MKS1: variants seen among roughly 807,000 people sequenced by gnomAD.
MKS1 encodes MKS transition zone complex subunit 1.
In MKS1, 70 loss-of-function variants were observed where a neutral mutation model predicts 83.7. That is an observed-to-expected ratio of 0.84 (90% confidence interval 0.69 to 1.02). MKS1 has a LOEUF of 1.02. Among genes scored for constraint, MKS1 ranks in the 50% least tolerant of loss-of-function variants. The pLI, the probability that MKS1 is intolerant of heterozygous loss-of-function variation, is 0.00. For missense variants in MKS1, 681 were observed against 726.9 expected (o/e 0.94, Z 0.73); for synonymous variants, 251 against 273.4 (o/e 0.92, Z 0.81).
At chr17:58,217,013 GGA>G (rs925973777) in intron 2 of MKS1, among the ~76,000 whole-genome samples, 1 of 152,138 alleles carries the variant, frequency 6.6e-6, no homozygotes, top group Non-Finnish European at 1.5e-5. Context: ...TGGGGGGGAT[GGA>G]GTCTCACTCT....
intron 14 of MKS1, among the ~76,000 whole-genome samples, 169 bp from the exon 15 acceptor site, chr17:58,207,387 A>C (rs1379654985): frequency 6.6e-6 from 1 of 152,176 alleles, no homozygotes; most frequent in Non-Finnish European, 1.5e-5. Context: ...TATGGAAATC[A>C]ATCAGGGAGA....
chr17:58,211,747 G>A (rs371389405), intron 9 of MKS1, among the ~76,000 whole-genome samples: 3 of 44,826 alleles, frequency 6.7e-5, no homozygotes, highest in African/African-American at 2.6e-4. Flanking sequence ...TTTTTTTTTT[G>A]TAGGGATGTG....
At chr17:58,211,211 T>A (rs1186271522) in intron 9 of MKS1, 189 bp from the exon 10 acceptor site, 1 of 617,146 alleles carries the variant, frequency 1.6e-6, no homozygotes, top group Non-Finnish European at 2.9e-6. Flanking sequence ...ATTCACAATG[T>A]AGGGGGAAAG....
chr17:58,215,689 T>A, intron 4 of MKS1: 1 of 252,878 alleles, frequency 4.0e-6, no homozygotes, highest in South Asian at 5.5e-5. Flanking sequence ...TATACTGAAT[T>A]CCTCTTCAAA....
rs759662552 is a variant in MKS1, at chr17:58,207,198, A to G, written c.1294T>C (p.Ser432Pro). Residue 432 changes from serine (S) to proline (P), a missense_variant, in exon 15 of 18, where the codon TCC becomes CCC. Physicochemically the swap from Ser to Pro is moderately conservative, Grantham distance 74. Around this residue, in one of 3 missense-constraint regions of MKS1, gnomAD observed 310 missense variants for 321.7 expected, o/e 0.96. Transcript: ENST00000393119. ...CCAAGCTCCACAGGTCTCCACGTGGAGACTGTCAGGGTGTGTGAGCCTGCG... is the reference window on the plus strand; with the variant it reads ...CCAAGCTCCACAGGTCTCCACGTGGGGACTGTCAGGGTGTGTGAGCCTGCG... The part of the protein sequence containing the change: ...ATPGSHTLTV[S>P]TWRPVELGTV... 15 of 1,614,016 alleles carry G rather than the reference A, an allele frequency of 9.3e-6. No homozygotes were observed. Among genetic ancestry groups the G allele is most frequent in the Non-Finnish European group, 9.3e-6 (11 of 1,180,036 alleles).
At chr17:58,208,234 G>A (rs757760794) in intron 12 of MKS1, 60 bp from the exon 13 acceptor site, 1 of 1,434,144 alleles carries the variant, frequency 7.0e-7, no homozygotes, top group African/African-American at 1.4e-5. Flanking sequence ...TCTCCTTGTG[G>A]CCAATGACAA....
In MKS1 at chr17:58,213,078, C is replaced by G; in HGVS notation, c.762G>C (p.Glu254Asp). The G allele has an allele frequency of 1.9e-6, 3 of 1,614,178 alleles. No homozygotes were observed. The highest frequency in any genetic ancestry group is 1.7e-6 in the Non-Finnish European group (2 of 1,180,036). Residue 254 changes from glutamate to aspartate, a missense_variant, in exon 8 of 18, where the codon GAG becomes GAC. Around this residue, in one of 3 missense-constraint regions of MKS1, gnomAD observed 365 missense variants for 383.8 expected, o/e 0.95. Coordinates refer to ENST00000393119, the MANE Select transcript of MKS1 (RefSeq NM_017777.4). ...GLKGPYRIET[E>D]GEKQELWKYT... ...ATTTCCACAGCTCCTGCTTCTCCCCCTCCGTCTCAATCCTGTAAGGTCAAA... is the reference window on the plus strand; with the variant it reads ...ATTTCCACAGCTCCTGCTTCTCCCCGTCCGTCTCAATCCTGTAAGGTCAAA...
intron 7 of MKS1, among the ~76,000 whole-genome samples, 196 bp downstream of exon 7, chr17:58,213,569 C>T (rs1484092604): frequency 2.6e-5 from 4 of 152,214 alleles, no homozygotes; most frequent in Admixed American, 2.6e-4. Flanking sequence ...CAAATTGGTG[C>T]AGTTGCACAT....
At position 58,207,521 on chromosome 17, in the gene MKS1, C is replaced by G. The variant is rs1968594532; in HGVS notation, c.1274-303G>C. 3 of 548,498 alleles carry G rather than the reference C, an allele frequency of 5.5e-6. No homozygotes were observed. In the South Asian group the frequency reaches 6.2e-5, roughly 11 times the overall value. The allele number at this position is 548,498 out of a possible 1,614,324, so 34.0% of individuals were successfully genotyped here. On this transcript the variant is annotated intron_variant, in intron 14 of 17. Transcript: ENST00000393119. ...ATACCACCTGCACCTCACAGAGTGA[C>G]TGGGAGAATTAAGTGAGAAGTATGG...
At chr17:58,211,834 G>C (rs937733874) in intron 9 of MKS1, among the ~76,000 whole-genome samples, 9 of 150,640 alleles carry the variant, frequency 6.0e-5, no homozygotes, top group Admixed American at 5.3e-4. Context: ...ACAAAGTGCT[G>C]GGATTATAGT....
intron 9 of MKS1, 120 bp from the exon 10 acceptor site, chr17:58,211,142 T>G: frequency 1.1e-6 from 1 of 910,118 alleles, no homozygotes; most frequent in Admixed American, 1.8e-5. Context: ...TGGGTGTCAC[T>G]ACTGCACTTT....
chr17:58,208,426 G>C (rs527377020), intron 12 of MKS1, 87 bp downstream of exon 12: 1 of 1,465,192 alleles, frequency 6.8e-7, no homozygotes, highest in African/African-American at 1.4e-5. Context: ...TCCCCAGGGC[G>C]CACAGCACTT....
At chr17:58,218,187 G>A (rs1012744121) in intron 2 of MKS1, among the ~76,000 whole-genome samples, 5 of 152,136 alleles carry the variant, frequency 3.3e-5, no homozygotes, top group Non-Finnish European at 5.9e-5. Flanking sequence ...GGTGGCTCAC[G>A]CCTGTAATCC....
In MKS1 at chr17:58,211,022, T is replaced by C. The variant is rs761528251; in HGVS notation, c.916A>G (p.Thr306Ala). 6.2e-7 allele frequency: 1 copy of C among 1,613,864 alleles called. No individual in the cohort carries two copies. The highest frequency in any genetic ancestry group is 1.7e-5 in the Admixed American group (1 of 60,022). The change falls in exon 10 of 18, where the codon ACT becomes GCT. Residue 306 changes from threonine (T) to alanine (A), a missense_variant and splice_region_variant. This residue lies in a region of MKS1 where 6 missense variants were observed against 21.4 expected (regional missense o/e 0.28). Transcript: ENST00000393119. ...AAGAGCCGGAGGGCACCTGGGACAG[T>C]CTAAGGTGAAGAGAAGTGGGAAAGG... ...SSLVGTDFEM[T>A]VPGALRLFVN...
chr17:58,208,811 G>A (rs1053189120), intron 11 of MKS1, among the ~76,000 whole-genome samples: 12 of 151,978 alleles, frequency 7.9e-5, no homozygotes, highest in South Asian at 2.1e-4. Flanking sequence ...AGGTCCCTGC[G>A]GCCTTCCACA....
At chr17:58,206,859 G>C in intron 15 of MKS1, 2 of 654,910 alleles carry the variant, frequency 3.1e-6, no homozygotes, top group East Asian at 2.8e-5. Flanking sequence ...ATGGGAACCA[G>C]GGGAAATCTC....
Position 58,210,726 on chromosome 17 carries a change from T to C in MKS1, c.959-2A>G, listed in dbSNP as rs1273591389. 1 of 1,614,094 alleles carries C rather than the reference T, an allele frequency of 6.2e-7. No individual in the cohort carries two copies. The highest frequency in any genetic ancestry group is 8.5e-7 in the Non-Finnish European group (1 of 1,179,930). ...CATACTCATAGCCTTGGGCTGAAAC[T>C]ACGAGAGAAAACAGGAAGCTATTTT... On this transcript the variant is annotated splice_acceptor_variant, in intron 10 of 17. Coordinates refer to ENST00000393119, the MANE Select transcript of MKS1 (RefSeq NM_017777.4). LOFTEE classifies it high-confidence loss of function.
At chr17:58,214,232 A>T (rs1262995941) in intron 6 of MKS1, 27 bp downstream of exon 6, 1 of 1,614,000 alleles carries the variant, frequency 6.2e-7, no homozygotes, top group Admixed American at 1.7e-5. Flanking sequence ...ATGAGGCTCT[A>T]AGCTGGCAGT....
chr17:58,214,220 G>T (rs1282904513), intron 6 of MKS1, 39 bp downstream of exon 6: 2 of 1,613,910 alleles, frequency 1.2e-6, no homozygotes, highest in East Asian at 4.5e-5. Context: ...GAGGAGAAAA[G>T]GATGAGGCTC....
Sources: allele counts gnomAD v4.1 joint callset (sites outside exome capture counted in the v4.1 genomes callset), GRCh38; gene constraint gnomAD v4.1.1; regional missense constraint gnomAD v4.1.1; transcripts MANE v1.5; gene names NCBI Gene and HGNC (gene_info 2026-07-23, HGNC 2026-07-21).